The following FBXO8 variants were observed in gnomAD, a reference collection of about 807,000 sequenced individuals.
FBXO8 encodes F-box only protein 8.
A neutral mutation model predicts 33.4 loss-of-function variants in FBXO8; 15 were observed. The ratio of observed to expected loss-of-function variants is 0.45; its 90% CI spans 0.30 to 0.69. The LOEUF (loss-of-function observed/expected upper bound fraction) is 0.69, where lower values mean the gene tolerates loss of function less well. Ranked by LOEUF, FBXO8 falls within the 30% of genes least tolerant of loss-of-function variation. The pLI is 0.08. For synonymous variants in FBXO8, 132 were observed against 131.5 expected, an observed-to-expected ratio of 1.00 and a Z score of -0.02; for missense variants, 274 against 380.3, an observed-to-expected ratio of 0.72 and a Z score of 2.32.
Position 174,237,413 on chromosome 4 carries a change from T to C in FBXO8, c.959A>G (p.Ter320=), listed in dbSNP as rs1560863253. Residue 320 remains the stop codon, a stop_retained_variant, in exon 6 of 6, where the codon TAA becomes TGA. Coordinates refer to ENST00000393674, the MANE Select transcript of FBXO8 (RefSeq NM_012180.3). This position sits in a 1 kb window ranked among gnomAD's most constrained non-coding sequence, Gnocchi z 4.4. ...NIYLIGHVAA[*] ...CTGAAGTCCTAGCAATTGTGCTTTT[T>C]ATGCAGCCACATGGCCAATAAGGTA... 1 of 1,610,112 alleles carries C rather than the reference T, an allele frequency of 6.2e-7. No homozygotes were observed. Among genetic ancestry groups the C allele is most frequent in the Non-Finnish European group, 8.5e-7 (1 of 1,177,230 alleles).
In FBXO8 at chr4:174,236,878, G is replaced by T. The variant is rs1369480490; in HGVS notation, c.*534C>A. The T allele has an allele frequency of 6.6e-6, 1 of 152,038 alleles. No homozygotes were observed. Among genetic ancestry groups the T allele is most frequent in the Non-Finnish European group, 1.5e-5 (1 of 67,986 alleles). 9.4% of individuals were successfully genotyped at this position (152,038 alleles called of 1,614,324 possible). A position where few individuals can be genotyped will look rare whatever the true frequency, so the allele number is the denominator to read the frequency against. On this transcript the variant is annotated 3_prime_UTR_variant, in exon 6 of 6. Transcript: ENST00000393674. ...ACACTCTTCAAAGTTTAAAGGAAAAGGAAGCTGGTATTGGTTTCTGTCTGA... is the reference window on the plus strand; with the variant it reads ...ACACTCTTCAAAGTTTAAAGGAAAATGAAGCTGGTATTGGTTTCTGTCTGA...
rs549627065 is a variant in FBXO8, at chr4:174,272,011, G to T, written c.-8-8911C>A. ...CAGTTTACTTGGGACCCCCTTAGGG[G>T]CTACAAAGAAACTCCTAAGGCAATG... is the stretch of plus-strand genomic sequence containing the variant. On this transcript the variant is annotated intron_variant, in intron 1 of 5. Coordinates refer to ENST00000393674, the MANE Select transcript of FBXO8 (RefSeq NM_012180.3). The surrounding 1 kb of genome is among the most constrained non-coding windows in gnomAD (Gnocchi z 4.7). Among the ~76,000 whole-genome samples, 1 of 152,270 alleles carries T rather than the reference G, an allele frequency of 6.6e-6. No individual in the cohort carries two copies. Among genetic ancestry groups the T allele is most frequent in the African/African-American group, 2.4e-5 (1 of 41,556 alleles).
chr4:174,262,232 T>C lies in FBXO8; in HGVS notation c.329+532A>G, dbSNP rs1736580561. ...TGAAATGCTGGTTAGAAAAAAAAAG[T>C]AGATAAAATTTTCACCAGTTAAATT... On this transcript the variant is annotated intron_variant, in intron 2 of 5. Transcript: ENST00000393674. This position sits in a 1 kb window ranked among gnomAD's most constrained non-coding sequence, Gnocchi z 4.6. Among the ~76,000 whole-genome samples the C allele has an allele frequency of 2.0e-5, 3 of 152,174 alleles. No individual in the cohort carries two copies. The South Asian group carries it at 6.2e-4, about 31-fold the overall frequency.
At chr4:174,280,616 A>T (rs1284274321) in intron 1 of FBXO8, among the ~76,000 whole-genome samples, 3 of 152,228 alleles carry the variant, frequency 2.0e-5, no homozygotes, top group African/African-American at 7.2e-5. Context: ...ATGGATAAGC[A>T]AAATGTGGCT....
intron 3 of FBXO8, among the ~76,000 whole-genome samples, chr4:174,248,273 A>G (rs1736203629): frequency 6.6e-6 from 1 of 152,084 alleles, no homozygotes; most frequent in African/African-American, 2.4e-5. Context: ...TATAAATATA[A>G]CAATAGTTAT....
In FBXO8 at chr4:174,254,654, T is replaced by A. The variant is rs1026865083; in HGVS notation, c.456+5045A>T. Among the ~76,000 whole-genome samples, 2 of 152,206 alleles carry A rather than the reference T, an allele frequency of 1.3e-5. No homozygotes were observed. Among genetic ancestry groups the A allele is most frequent in the African/African-American group, 2.4e-5 (1 of 41,458 alleles). ...TTACCCTTACTGTCCAAAGTAATAC[T>A]TCCCTTTCCAAATCAGATGGTAATC... On this transcript the variant is annotated intron_variant, in intron 3 of 5. Transcript: ENST00000393674. This position sits in a 1 kb window ranked among gnomAD's most constrained non-coding sequence, Gnocchi z 4.2.
intron 1 of FBXO8, among the ~76,000 whole-genome samples, chr4:174,282,293 ATTAG>A (rs1484204772): frequency 3.3e-5 from 5 of 152,310 alleles, no homozygotes; most frequent in African/African-American, 9.6e-5. Context: ...CCCAAGTAAT[ATTAG>A]TTAATTTGCT....
rs918934552 is a variant in FBXO8, at chr4:174,259,605, C to G, written c.456+94G>C. On this transcript the variant is annotated intron_variant, in intron 3 of 5. Transcript: ENST00000393674. This position sits in a 1 kb window ranked among gnomAD's most constrained non-coding sequence, Gnocchi z 4.3. ...GTGATCAAAAAAGCATGTTCAATGA[C>G]TTTTTGTTTTCCCTGCTAGTTTATG... The G allele has an allele frequency of 1.4e-6, 2 of 1,473,036 alleles. No individual in the cohort carries two copies. The highest frequency in any genetic ancestry group is 1.8e-6 in the Non-Finnish European group (2 of 1,087,948). The allele number at this position is 1,473,036 out of a possible 1,614,324, so 91.2% of individuals were successfully genotyped here.
intron 1 of FBXO8, among the ~76,000 whole-genome samples, chr4:174,282,065 C>A (rs773485194): frequency 2.6e-5 from 4 of 152,100 alleles, no homozygotes; most frequent in Non-Finnish European, 5.9e-5. Flanking sequence ...CATAAAGTTA[C>A]AAATCTGAAT....
chr4:174,248,048 C>T (rs1018832210), intron 3 of FBXO8, among the ~76,000 whole-genome samples: 2 of 151,982 alleles, frequency 1.3e-5, no homozygotes, highest in Non-Finnish European at 2.9e-5. Flanking sequence ...CAACACCTTG[C>T]TTTTTGGCTG....
chr4:174,259,807 C>T lies in FBXO8; in HGVS notation c.348G>A (p.Trp116Ter), dbSNP rs1268868979. ...TCTTATTGTATATGGAACAGTGACC[C>T]CAAGTGGATTTGCACAACCTATAAA... ...LLWQGLCKST[W>*]GHCSIYNKNP... The change falls in exon 3 of 6, where the codon TGG (tryptophan) becomes TGA (stop). Residue 116 changes from tryptophan to a stop codon, truncating the protein, a stop_gained. Coordinates refer to ENST00000393674, the MANE Select transcript of FBXO8 (RefSeq NM_012180.3). LOFTEE classifies it high-confidence loss of function. This position sits in a 1 kb window ranked among gnomAD's most constrained non-coding sequence, Gnocchi z 4.3. 6.3e-7 allele frequency: 1 copy of T among 1,591,862 alleles called. No individual in the cohort carries two copies. Among genetic ancestry groups the T allele is most frequent in the Non-Finnish European group, 8.5e-7 (1 of 1,173,934 alleles).
chr4:174,263,611 T>C lies in FBXO8; in HGVS notation c.-8-511A>G, dbSNP rs1224603300. Among the ~76,000 whole-genome samples the C allele has an allele frequency of 6.6e-6, 1 of 152,160 alleles. No individual in the cohort carries two copies. The highest frequency in any genetic ancestry group is 2.4e-5 in the African/African-American group (1 of 41,444). On this transcript the variant is annotated intron_variant, in intron 1 of 5. Coordinates refer to ENST00000393674, the MANE Select transcript of FBXO8 (RefSeq NM_012180.3). This position sits in a 1 kb window ranked among gnomAD's most constrained non-coding sequence, Gnocchi z 4.2. The stretch of plus-strand genomic sequence containing the variant: ...TAGTTTAATTCTTGCCAGTCTACAC[T>C]TACATTGTAGACTGTAATAAAATGT...
chr4:174,253,034 G>A lies in FBXO8; in HGVS notation c.456+6665C>T, dbSNP rs1445552076. ...CATATTTTCCAACCTCATGAGTCAA[G>A]AGATAGATTACACGGATGCCATAAA... On this transcript the variant is annotated intron_variant, in intron 3 of 5. Transcript: ENST00000393674. The surrounding 1 kb of genome is among the most constrained non-coding windows in gnomAD (Gnocchi z 4.5). 6.6e-6 allele frequency among the ~76,000 whole-genome samples: 1 copy of A among 152,094 alleles called. No homozygotes were observed. Among genetic ancestry groups the A allele is most frequent in the Non-Finnish European group, 1.5e-5 (1 of 68,008 alleles).
Position 174,272,708 on chromosome 4 carries a change from T to C in FBXO8, c.-8-9608A>G, listed in dbSNP as rs143998756. Among the ~76,000 whole-genome samples the C allele has an allele frequency of 8.4e-3, 1,287 of 152,348 alleles. 20 individuals carry two copies. Among genetic ancestry groups the C allele is most frequent in the African/African-American group, 0.03 (1,236 of 41,586 alleles). On this transcript the variant is annotated intron_variant, in intron 1 of 5. Transcript: ENST00000393674. The surrounding 1 kb of genome is among the most constrained non-coding windows in gnomAD (Gnocchi z 4.7). ...AGGCAAGAATTATCAATGGATGTTG[T>C]TGAATCTGGAGTTTGACAAAGAATG...
At position 174,270,710 on chromosome 4, in the gene FBXO8, A is replaced by G. The variant is rs192359834; in HGVS notation, c.-8-7610T>C. 8.5e-3 allele frequency among the ~76,000 whole-genome samples: 1,277 copies of G among 150,432 alleles called. 21 individuals are homozygous for G. The highest frequency in any genetic ancestry group is 0.03 in the African/African-American group (1,228 of 40,856). On this transcript the variant is annotated intron_variant, in intron 1 of 5. Transcript: ENST00000393674. This position sits in a 1 kb window ranked among gnomAD's most constrained non-coding sequence, Gnocchi z 4.6. The stretch of plus-strand genomic sequence containing the variant: ...CGGCTCACTGCAACCTCCACCTCCC[A>G]GGTTCAAGTGATTCTCCTGTCTCAG...
rs1268445551 is a variant in FBXO8, at chr4:174,253,993, C to T, written c.456+5706G>A. On this transcript the variant is annotated intron_variant, in intron 3 of 5. Transcript: ENST00000393674. This position sits in a 1 kb window ranked among gnomAD's most constrained non-coding sequence, Gnocchi z 4.5. ...CTCACTAAAGTAACTGGGATACCTG[C>T]ATCCAGGACTCTTTTGAAGTAAACA... Among the ~76,000 whole-genome samples the T allele has an allele frequency of 1.3e-5, 2 of 152,168 alleles. No homozygotes were observed. Among genetic ancestry groups the T allele is most frequent in the East Asian group, 3.9e-4 (2 of 5,190 alleles).
At chr4:174,266,244 T>TA (rs1736691881) in intron 1 of FBXO8, among the ~76,000 whole-genome samples, 1 of 152,064 alleles carries the variant, frequency 6.6e-6, no homozygotes, top group Admixed American at 6.6e-5. Context: ...GCTGGTTCTT[T>TA]AAAAAATAAT....
Position 174,259,682 on chromosome 4 carries a change from T to A in FBXO8, c.456+17A>T. On this transcript the variant is annotated intron_variant, in intron 3 of 5. Coordinates refer to ENST00000393674, the MANE Select transcript of FBXO8 (RefSeq NM_012180.3). This position sits in a 1 kb window ranked among gnomAD's most constrained non-coding sequence, Gnocchi z 4.3. ...AATAAAGGTCACTGGATACAAATAT[T>A]CAAGTTCTTCACTAACCTCATCTGG... The A allele has an allele frequency of 2.5e-6, 4 of 1,605,644 alleles. No homozygotes were observed. Among genetic ancestry groups the A allele is most frequent in the Non-Finnish European group, 3.4e-6 (4 of 1,177,060 alleles).
chr4:174,249,912 A>G (rs1169958408), intron 3 of FBXO8, among the ~76,000 whole-genome samples: 2 of 152,030 alleles, frequency 1.3e-5, no homozygotes, highest in South Asian at 2.1e-4. Flanking sequence ...TGACCAATAC[A>G]TACTTCATGA....
Sources: allele counts gnomAD v4.1 joint callset (sites outside exome capture counted in the v4.1 genomes callset), GRCh38; gene constraint gnomAD v4.1.1; non-coding constraint Gnocchi (gnomAD v3.1); transcripts MANE v1.5; gene names NCBI Gene and HGNC (gene_info 2026-07-23, HGNC 2026-07-21).